Variants in ST6GALNAC3 observed in about 807,000 individuals in gnomAD.
ST6GALNAC3 encodes the protein alpha-N-acetylgalactosaminide alpha-2,6-sialyltransferase 3.
ST6GALNAC3 carries 25 observed loss-of-function variants against 32.7 expected under a neutral mutation model. The ratio of observed to expected loss-of-function variants is 0.76; its 90% confidence interval spans 0.56 to 1.07. ST6GALNAC3 has a LOEUF of 1.07. Among genes scored for constraint, ST6GALNAC3 ranks in the 50% least tolerant of loss-of-function variants. The pLI is 0.00. For missense variants in ST6GALNAC3, 355 were observed against 382.4 expected, an observed-to-expected ratio of 0.93 and a Z score of 0.60; for synonymous variants, 129 against 133.1, an observed-to-expected ratio of 0.97 and a Z score of 0.21.
At chr1:76,316,200 C>T (rs1411764609) in intron 2 of ST6GALNAC3, among the ~76,000 whole-genome samples, 1 of 152,054 alleles carries the variant, frequency 6.6e-6, no homozygotes, top group Non-Finnish European at 1.5e-5. Context: ...TTGTAATACC[C>T]ACTTTGGAAA....
intron 3 of ST6GALNAC3, among the ~76,000 whole-genome samples, chr1:76,456,140 C>G (rs943233276): frequency 6.6e-6 from 1 of 152,114 alleles, no homozygotes; most frequent in Non-Finnish European, 1.5e-5. Context: ...ACACTGCACT[C>G]CAGACTGGGC....
At chr1:76,215,975 A>G (rs1198184890) in intron 1 of ST6GALNAC3, among the ~76,000 whole-genome samples, 3 of 152,140 alleles carry the variant, frequency 2.0e-5, no homozygotes, top group Non-Finnish European at 4.4e-5. Context: ...AAGGGACTTA[A>G]ATGTTTATTG....
At position 76,628,922 on chromosome 1, in the gene ST6GALNAC3, A is replaced by G; in HGVS notation, c.*116A>G. On this transcript the variant is annotated 3_prime_UTR_variant, in exon 5 of 5. Transcript: ENST00000328299. ...ATAAAGACAACAACAATGATTATCA[A>G]GTTCCTGTACACTCTCAGATGTGGA... The G allele has an allele frequency of 2.0e-6, 3 of 1,530,342 alleles. No homozygotes were observed. Among genetic ancestry groups the G allele is most frequent in the Non-Finnish European group, 2.6e-6 (3 of 1,149,610 alleles). 94.8% of individuals were successfully genotyped at this position (1,530,342 alleles called of 1,614,324 possible).
intron 1 of ST6GALNAC3, among the ~76,000 whole-genome samples, chr1:76,195,048 C>A (rs1654117562): frequency 6.6e-6 from 1 of 152,140 alleles, no homozygotes; most frequent in Non-Finnish European, 1.5e-5. Context: ...TATTACCACT[C>A]AAATATCTCA....
intron 3 of ST6GALNAC3, among the ~76,000 whole-genome samples, chr1:76,597,068 A>G (rs1266326178): frequency 6.6e-6 from 1 of 152,196 alleles, no homozygotes; most frequent in Non-Finnish European, 1.5e-5. Context: ...GTCTAAAAGC[A>G]TAAACCAGAG....
At chr1:76,352,616 A>G (rs1649088476) in intron 2 of ST6GALNAC3, among the ~76,000 whole-genome samples, 1 of 147,810 alleles carries the variant, frequency 6.8e-6, no homozygotes, top group Non-Finnish European at 1.5e-5. Context: ...ATCTAATTAC[A>G]TTGCTTTAAC....
intron 1 of ST6GALNAC3, among the ~76,000 whole-genome samples, chr1:76,309,386 A>G (rs574851589): frequency 2.8e-4 from 42 of 152,206 alleles, no homozygotes; most frequent in South Asian, 8.3e-4. Context: ...ACATGCATGT[A>G]TATCATGCAT....
At chr1:76,384,552 A>G (rs191227294) in intron 2 of ST6GALNAC3, among the ~76,000 whole-genome samples, 246 of 152,284 alleles carry the variant, frequency 1.6e-3, no homozygotes, top group African/African-American at 5.7e-3. Context: ...TAAATGACAT[A>G]TAGAACTCTA....
At position 76,628,680 on chromosome 1, in the gene ST6GALNAC3, T is replaced by C. The variant is rs1570487840; in HGVS notation, c.792T>C (p.Asp264=). The C allele has an allele frequency of 1.2e-5, 19 of 1,612,086 alleles. No homozygotes were observed. The East Asian group carries it at 4.2e-4, about 36-fold the overall frequency. Residue 264 remains aspartate, a synonymous_variant, in exon 5 of 5, where the codon GAT becomes GAC. Transcript: ENST00000328299. ...ATGAACAAGGAAGAGATGAGTGTGA[T>C]GAATATTTTCTTCATGAACATGCCC... ...HYYEQGRDEC[D]EYFLHEHAPY...
intron 1 of ST6GALNAC3, among the ~76,000 whole-genome samples, chr1:76,115,619 G>A (rs747731648): frequency 1.5e-4 from 23 of 152,146 alleles, no homozygotes; most frequent in Non-Finnish European, 3.1e-4. Flanking sequence ...ATGGGAACAT[G>A]TATTTGGCTT....
chr1:76,606,903 G>A (rs1269191034), intron 3 of ST6GALNAC3, among the ~76,000 whole-genome samples: 1 of 149,224 alleles, frequency 6.7e-6, no homozygotes. Context: ...ACACCAGCTG[G>A]GTCTCCTACA....
chr1:76,154,266 G>A (rs945791355), intron 1 of ST6GALNAC3, among the ~76,000 whole-genome samples: 1 of 152,018 alleles, frequency 6.6e-6, no homozygotes, highest in African/African-American at 2.4e-5. Context: ...GGCCCTCACA[G>A]GTTTGCACCC....
At chr1:76,464,964 G>A (rs369347585) in intron 3 of ST6GALNAC3, among the ~76,000 whole-genome samples, 2 of 152,016 alleles carry the variant, frequency 1.3e-5, no homozygotes, top group African/African-American at 2.4e-5. Flanking sequence ...TTTGGCATCA[G>A]GTTTAAGATT....
At chr1:76,273,759 A>G (rs1382183075) in intron 1 of ST6GALNAC3, among the ~76,000 whole-genome samples, 1 of 152,196 alleles carries the variant, frequency 6.6e-6, no homozygotes, top group Non-Finnish European at 1.5e-5. Flanking sequence ...ATATTCATCA[A>G]TCCATGAATC....
chr1:76,582,769 C>G (rs1646909532), intron 3 of ST6GALNAC3, among the ~76,000 whole-genome samples: 1 of 152,154 alleles, frequency 6.6e-6, no homozygotes, highest in African/African-American at 2.4e-5. Flanking sequence ...AGCAAGTCAG[C>G]TTTCCTTTTT....
chr1:76,195,240 C>T (rs1032867074), intron 1 of ST6GALNAC3, among the ~76,000 whole-genome samples: 2 of 152,062 alleles, frequency 1.3e-5, no homozygotes, highest in Admixed American at 1.3e-4. Flanking sequence ...GCCAACTGCC[C>T]ACATATAAAT....
At chr1:76,229,050 G>A (rs1331167224) in intron 1 of ST6GALNAC3, among the ~76,000 whole-genome samples, 1 of 152,146 alleles carries the variant, frequency 6.6e-6, no homozygotes, top group Admixed American at 6.6e-5. Context: ...TTAGGGCTGA[G>A]AGACTGATTA....
At chr1:76,499,008 C>A (rs4620587) in intron 3 of ST6GALNAC3, among the ~76,000 whole-genome samples, 96,111 of 151,964 alleles carry the variant, frequency 0.63, 32,813 homozygotes, top group South Asian at 0.83. Flanking sequence ...CCCCACTAGA[C>A]AACAGGGTTA....
At chr1:76,365,375 G>A (rs1650287363) in intron 2 of ST6GALNAC3, among the ~76,000 whole-genome samples, 1 of 152,170 alleles carries the variant, frequency 6.6e-6, no homozygotes, top group African/African-American at 2.4e-5. Flanking sequence ...CTTGGGTACA[G>A]TGTTCACTAT....
Sources: gnomAD v4.1 joint callset for allele counts (sites outside exome capture counted in the v4.1 genomes callset) on GRCh38, gnomAD v4.1.1 for gene constraint, MANE v1.5 for transcripts, NCBI Gene and HGNC (gene_info 2026-07-23, HGNC 2026-07-21) for gene names.